Variants in SAV1 observed in about 807,000 individuals in gnomAD.
The protein encoded by SAV1 is salvador family WW domain containing protein 1.
A neutral mutation model predicts 47.3 loss-of-function variants in SAV1; 23 were observed. The ratio of observed to expected loss-of-function variants is 0.49; its 90% CI spans 0.35 to 0.69. The LOEUF (loss-of-function observed/expected upper bound fraction) is 0.69, where lower values mean the gene tolerates loss of function less well. Among genes scored for constraint, SAV1 ranks in the 30% least tolerant of loss-of-function variants. SAV1 has a pLI of 0.01. For missense variants in SAV1, 448 were observed against 457.4 expected, an observed-to-expected ratio of 0.98 and a Z score of 0.19; for synonymous variants, 155 against 159.2, an observed-to-expected ratio of 0.97 and a Z score of 0.20.
chr14:50,650,493 G>A (rs1346107647), intron 2 of SAV1, among the ~76,000 whole-genome samples: 1 of 152,218 alleles, frequency 6.6e-6, no homozygotes, highest in Non-Finnish European at 1.5e-5. Flanking sequence ...GTCCTCCTGG[G>A]ATTCACACCC....
intron 2 of SAV1, among the ~76,000 whole-genome samples, chr14:50,652,147 A>T (rs906001702): frequency 1.3e-5 from 2 of 152,224 alleles, no homozygotes; most frequent in Non-Finnish European, 1.5e-5. Context: ...AGGCAAAAAG[A>T]AGGTAGTTCA....
Position 50,638,592 on chromosome 14 carries a change from T to C in SAV1, c.950+2158A>G, listed in dbSNP as rs1223285789. Among the ~76,000 whole-genome samples the C allele has an allele frequency of 3.3e-5, 5 of 152,148 alleles. No individual in the cohort carries two copies. In the South Asian group the frequency reaches 6.2e-4, roughly 19 times the overall value. On this transcript the variant is annotated intron_variant, in intron 4 of 4. Transcript: ENST00000324679. ...AACACTGTGTCCACTCCTCCCTCTT[T>C]TTCACCTGTATCCAGAGCAGGGTCA...
At chr14:50,654,316 T>C (rs1325625852) in intron 2 of SAV1, among the ~76,000 whole-genome samples, 2 of 152,270 alleles carry the variant, frequency 1.3e-5, no homozygotes, top group South Asian at 4.1e-4. Flanking sequence ...CAACAATATT[T>C]ACAGCTTCTT....
At chr14:50,660,563 C>T (rs2039850303) in intron 2 of SAV1, among the ~76,000 whole-genome samples, 1 of 152,126 alleles carries the variant, frequency 6.6e-6, no homozygotes, top group South Asian at 2.1e-4. Context: ...ATGAAATAAT[C>T]AAGTCAGGGT....
Position 50,644,810 on chromosome 14 carries a change from T to A in SAV1, c.740A>T (p.Glu247Val). 1 of 1,614,144 alleles carries A rather than the reference T, an allele frequency of 6.2e-7. No individual in the cohort carries two copies. Among genetic ancestry groups the A allele is most frequent in the Non-Finnish European group, 8.5e-7 (1 of 1,180,006 alleles). Residue 247 changes from glutamate (E) to valine (V), a missense_variant, in exon 3 of 5, where the codon GAA (glutamate) becomes GTA (valine). By Grantham distance (121) the Glu-to-Val change is moderately radical. Coordinates refer to ENST00000324679, the MANE Select transcript of SAV1 (RefSeq NM_021818.4). ...GTGATCTACATAATAGGTTCCAAAT[T>A]CGGATGACTCAACTCGTTCCCATCC... ...PPGWERVESS[E>V]FGTYYVDHTN... is the part of the protein sequence containing the mutation.
At chr14:50,656,664 G>C (rs929870944) in intron 2 of SAV1, among the ~76,000 whole-genome samples, 13 of 152,068 alleles carry the variant, frequency 8.5e-5, no homozygotes, top group African/African-American at 3.1e-4. Flanking sequence ...GGATGGTCTC[G>C]ATCTCCTGAC....
intron 2 of SAV1, among the ~76,000 whole-genome samples, chr14:50,649,671 ATG>A (rs1032042777): frequency 6.6e-5 from 10 of 152,228 alleles, no homozygotes; most frequent in African/African-American, 2.4e-4. Context: ...GGAAGACAGT[ATG>A]TGGTTCATAC....
intron 4 of SAV1, among the ~76,000 whole-genome samples, chr14:50,639,453 G>C (rs767297376): frequency 9.9e-5 from 15 of 152,102 alleles, no homozygotes; most frequent in Non-Finnish European, 1.8e-4. Flanking sequence ...ACATTAATTA[G>C]AATCAACTAG....
At chr14:50,645,571 T>C (rs968660892) in intron 2 of SAV1, among the ~76,000 whole-genome samples, 1 of 145,986 alleles carries the variant, frequency 6.8e-6, no homozygotes, top group Admixed American at 6.8e-5. Flanking sequence ...TATTCCAAAA[T>C]AAAAAAAAAA....
At chr14:50,637,194 C>T (rs148121204) in intron 4 of SAV1, among the ~76,000 whole-genome samples, 2 of 152,204 alleles carry the variant, frequency 1.3e-5, no homozygotes, top group East Asian at 3.9e-4. Flanking sequence ...TTGAGAGCTG[C>T]AAATTTATTA....
chr14:50,664,630 A>G (rs2039885655), intron 2 of SAV1: 1 of 152,258 alleles, frequency 6.6e-6, no homozygotes, highest in Non-Finnish European at 1.5e-5. Context: ...CATGCTCAAC[A>G]CATAATTAAC....
At chr14:50,650,169 A>T (rs1053896259) in intron 2 of SAV1, among the ~76,000 whole-genome samples, 1 of 152,242 alleles carries the variant, frequency 6.6e-6, no homozygotes, top group Admixed American at 6.5e-5. Context: ...GTGGTTTAAG[A>T]AACTGTTTTT....
At chr14:50,650,713 G>T (rs780429690) in intron 2 of SAV1, among the ~76,000 whole-genome samples, 1 of 152,162 alleles carries the variant, frequency 6.6e-6, no homozygotes, top group East Asian at 1.9e-4. Flanking sequence ...TAACAGCCTT[G>T]TGAGTGAACT....
At chr14:50,647,569 A>G (rs995183316) in intron 2 of SAV1, among the ~76,000 whole-genome samples, 32 of 152,166 alleles carry the variant, frequency 2.1e-4, no homozygotes, top group African/African-American at 7.7e-4. Flanking sequence ...CCCTTCTCTC[A>G]AAACAAAAAC....
chr14:50,652,253 T>A (rs1204666439), intron 2 of SAV1, among the ~76,000 whole-genome samples: 1 of 151,890 alleles, frequency 6.6e-6, no homozygotes, highest in Non-Finnish European at 1.5e-5. Context: ...AACATTTTTT[T>A]AAAAAGCTAA....
intron 2 of SAV1, among the ~76,000 whole-genome samples, chr14:50,657,610 T>C (rs910663706): frequency 7.9e-5 from 12 of 152,220 alleles, no homozygotes; most frequent in African/African-American, 2.9e-4. Context: ...CCACCAATTT[T>C]GATCCAAATC....
At chr14:50,659,491 T>C (rs2039840847) in intron 2 of SAV1, among the ~76,000 whole-genome samples, 1 of 152,244 alleles carries the variant, frequency 6.6e-6, no homozygotes, top group Non-Finnish European at 1.5e-5. Context: ...CACTAATAAT[T>C]GTCTTCCTGT....
chr14:50,665,379 G>A lies in SAV1; in HGVS notation c.335C>T (p.Ser112Phe), dbSNP rs759980042. 123 of 1,611,858 alleles carry A rather than the reference G, an allele frequency of 7.6e-5. No individual in the cohort carries two copies. Among genetic ancestry groups the A allele is most frequent in the Non-Finnish European group, 9.8e-5 (115 of 1,178,764 alleles). ...AACTTCCGTTACAAATGACTGAGAA[G>A]AACCATACTCTCTAGGGACATCTGC... is the stretch of plus-strand genomic sequence containing the variant. Reference protein sequence around the residue: ...SLADVPREYGSSQSFVTEVSF... With the variant: ...SLADVPREYGFSQSFVTEVSF... Residue 112 changes from serine (S) to phenylalanine (F), a missense_variant, in exon 2 of 5, where the codon TCT becomes TTT. Transcript: ENST00000324679.
intron 2 of SAV1, among the ~76,000 whole-genome samples, chr14:50,655,175 C>G (rs569975382): frequency 1.3e-5 from 2 of 152,142 alleles, no homozygotes; most frequent in African/African-American, 4.8e-5. Flanking sequence ...CACATGTACA[C>G]AGCAAATGAC....
Sources: allele counts gnomAD v4.1 joint callset (sites outside exome capture counted in the v4.1 genomes callset), GRCh38; gene constraint gnomAD v4.1.1; transcripts MANE v1.5; gene names NCBI Gene and HGNC (gene_info 2026-07-23, HGNC 2026-07-21).